The following WDR7 variants were observed in gnomAD, a reference collection of about 807,000 sequenced individuals.
WDR7 encodes the protein WD repeat-containing protein 7.
Under a neutral mutation model 169.4 loss-of-function variants are expected in WDR7, and 46 were observed. The observed-to-expected ratio is 0.27, with a 90% CI of 0.21 to 0.35. The LOEUF (loss-of-function observed/expected upper bound fraction) is 0.35, where lower values mean the gene tolerates loss of function less well. Among genes scored for constraint, WDR7 ranks in the 10% least tolerant of loss-of-function variants. WDR7 has a pLI of 1.00. For synonymous variants in WDR7, 612 were observed against 666.8 expected (o/e 0.92, Z 1.27); for missense variants, 1,534 against 1,859.3 (o/e 0.83, Z 3.22).
At chr18:56,857,088 A>G (rs1412311248) in intron 20 of WDR7, among the ~76,000 whole-genome samples, 1 of 152,202 alleles carries the variant, frequency 6.6e-6, no homozygotes, top group African/African-American at 2.4e-5. Context: ...TCTGTGGGCA[A>G]TATTGGCCCT....
chr18:57,012,652 T>TCTTTGTTATTTGGTGTGGCGAAGTCA, intron 26 of WDR7, among the ~76,000 whole-genome samples: 1 of 152,160 alleles, frequency 6.6e-6, no homozygotes, highest in African/African-American at 2.4e-5. Context: ...TCACTCAAGG[T>TCTTTGTTATTTGGTGTGGCGAAGTCA]CTTTGTTATT....
At chr18:56,784,177 G>T (rs978022913) in intron 19 of WDR7, among the ~76,000 whole-genome samples, 2 of 152,160 alleles carry the variant, frequency 1.3e-5, no homozygotes, top group African/African-American at 2.4e-5. Flanking sequence ...AGAGATTAAA[G>T]AATTTTCTGA....
Position 56,682,804 on chromosome 18 carries a change from A to G in WDR7, c.471A>G (p.Ser157=). 6.2e-7 allele frequency: 1 copy of G among 1,613,836 alleles called. No homozygotes were observed. Among genetic ancestry groups the G allele is most frequent in the Non-Finnish European group, 8.5e-7 (1 of 1,179,784 alleles). The change falls in exon 5 of 28, where the codon TCA becomes TCG. Residue 157 remains serine (S), a synonymous_variant. Transcript: ENST00000254442. ...EVLYSLVSKI[S]PDWISSMSII... ...TATACTCCTTAGTATCAAAGATATC[A>G]CCAGACTGGATTAGCTCCATGAGTA...
chr18:56,887,705 G>A (rs2046215135), intron 21 of WDR7, among the ~76,000 whole-genome samples: 1 of 151,674 alleles, frequency 6.6e-6, no homozygotes, highest in African/African-American at 2.4e-5. Context: ...TTCCTTGATG[G>A]TAATTTTGCC....
intron 26 of WDR7, among the ~76,000 whole-genome samples, chr18:57,004,538 T>C (rs952477939): frequency 2.0e-5 from 3 of 152,168 alleles, no homozygotes; most frequent in African/African-American, 7.2e-5. Flanking sequence ...TCCAAACAAC[T>C]GAATTCCAAA....
chr18:56,915,537 A>G (rs998192232), intron 21 of WDR7, among the ~76,000 whole-genome samples: 1 of 152,212 alleles, frequency 6.6e-6, no homozygotes, highest in Admixed American at 6.5e-5. Context: ...ATTCAGATCC[A>G]GCAACCTGCA....
At chr18:56,682,193 TG>T (rs1475941061) in intron 4 of WDR7, among the ~76,000 whole-genome samples, 1 of 152,214 alleles carries the variant, frequency 6.6e-6, no homozygotes, top group Non-Finnish European at 1.5e-5. Flanking sequence ...GCCCTGATTA[TG>T]TTTGAACATC....
chr18:56,888,547 C>T (rs977980668), intron 21 of WDR7, among the ~76,000 whole-genome samples: 11 of 152,204 alleles, frequency 7.2e-5, no homozygotes, highest in Admixed American at 1.3e-4. Context: ...GGGATGGCTG[C>T]TGTCTTGTTT....
intron 25 of WDR7, among the ~76,000 whole-genome samples, chr18:56,944,968 A>G (rs2047083881): frequency 6.6e-6 from 1 of 152,220 alleles, no homozygotes; most frequent in Non-Finnish European, 1.5e-5. Context: ...TAACTCCAAG[A>G]TAAAACCCAA....
At chr18:57,025,708 G>T (rs546537865) in intron 27 of WDR7, among the ~76,000 whole-genome samples, 3 of 152,276 alleles carry the variant, frequency 2.0e-5, no homozygotes, top group African/African-American at 7.2e-5. Context: ...TTGTGAAAAT[G>T]TCAGTGGAGC....
Position 56,756,951 on chromosome 18 carries a change from G to T in WDR7, c.2358G>T (p.Lys786Asn). ...CTGAATATCGGTCCAGCAAATCAAAGCCATTGACCCTATTAGAATATAATT... is the reference window on the plus strand; with the variant it reads ...CTGAATATCGGTCCAGCAAATCAAATCCATTGACCCTATTAGAATATAATT... ...SDPEYRSSKS[K>N]PLTLLEYNLT... Residue 786 changes from lysine to asparagine, a missense_variant, in exon 15 of 28, where the codon AAG becomes AAT. Transcript: ENST00000254442. The T allele has an allele frequency of 1.9e-6, 3 of 1,614,110 alleles. No individual in the cohort carries two copies. The highest frequency in any genetic ancestry group is 2.5e-6 in the Non-Finnish European group (3 of 1,180,016).
intron 19 of WDR7, among the ~76,000 whole-genome samples, chr18:56,807,442 G>GA (rs1440167960): frequency 3.3e-5 from 5 of 151,768 alleles, no homozygotes; most frequent in Non-Finnish European, 2.9e-5. Context: ...AGAAATTTTT[G>GA]AAAAAATACA....
intron 19 of WDR7, among the ~76,000 whole-genome samples, chr18:56,802,270 C>G (rs1346410678): frequency 6.6e-6 from 1 of 151,640 alleles, no homozygotes; most frequent in Non-Finnish European, 1.5e-5. Context: ...GGTGAAATGC[C>G]TATTTACATC....
intron 21 of WDR7, among the ~76,000 whole-genome samples, chr18:56,921,918 T>A (rs1167473284): frequency 6.6e-6 from 1 of 152,130 alleles, no homozygotes; most frequent in Non-Finnish European, 1.5e-5. Flanking sequence ...CCATCTGTAA[T>A]GAATACAAAA....
At chr18:56,906,807 G>A (rs2046484399) in intron 21 of WDR7, among the ~76,000 whole-genome samples, 1 of 152,150 alleles carries the variant, frequency 6.6e-6, no homozygotes, top group Non-Finnish European at 1.5e-5. Context: ...CTCCCAAAGT[G>A]CTGGGATTAC....
chr18:56,992,813 C>T (rs1162904797), intron 26 of WDR7, among the ~76,000 whole-genome samples: 5 of 152,244 alleles, frequency 3.3e-5, no homozygotes, highest in East Asian at 1.9e-4. Context: ...TTCAGGGATA[C>T]GATAGTTAAA....
At chr18:56,705,921 C>G (rs2025941098) in intron 12 of WDR7, among the ~76,000 whole-genome samples, 1 of 152,174 alleles carries the variant, frequency 6.6e-6, no homozygotes, top group Non-Finnish European at 1.5e-5. Flanking sequence ...TCCCTTGAAC[C>G]TGGGAGGTGG....
chr18:56,803,164 CAAAT>C (rs1289160416), intron 19 of WDR7, among the ~76,000 whole-genome samples: 2 of 152,134 alleles, frequency 1.3e-5, no homozygotes, highest in African/African-American at 4.8e-5. Flanking sequence ...TGAATATTCT[CAAAT>C]AATAAAGTCA....
chr18:56,738,888 T>C (rs2469468), intron 14 of WDR7, among the ~76,000 whole-genome samples: 14,372 of 150,732 alleles, frequency 0.095, 840 homozygotes, highest in Non-Finnish European at 0.13. Flanking sequence ...AATTAAGATG[T>C]ATTGAATGTT....
Sources: allele counts gnomAD v4.1 joint callset (sites outside exome capture counted in the v4.1 genomes callset), GRCh38; gene constraint gnomAD v4.1.1; transcripts MANE v1.5; gene names NCBI Gene and HGNC (gene_info 2026-07-23, HGNC 2026-07-21).